The following ELOVL2 variants were observed in gnomAD, a reference collection of about 807,000 sequenced individuals.
ELOVL2 encodes the protein ELOVL fatty acid elongase 2.
ELOVL2 carries 38 observed loss-of-function variants against 37.7 expected under a neutral mutation model. The observed-to-expected ratio is 1.01, with a 90% CI of 0.78 to 1.32. The LOEUF (loss-of-function observed/expected upper bound fraction) is 1.32, where lower values mean the gene tolerates loss of function less well. ELOVL2 is among the 40% of genes most tolerant of loss of function. The probability of loss-of-function intolerance (pLI) is 0.00; values close to 1 mark genes in which losing one functional copy is unlikely to be tolerated. For missense variants in ELOVL2, 352 were observed against 363.6 expected (o/e 0.97, Z 0.26); for synonymous variants, 115 against 122.3 (o/e 0.94, Z 0.40).
chr6:11,044,119 A>G lies in ELOVL2; in HGVS notation c.3+109T>C. On this transcript the variant is annotated intron_variant, in intron 1 of 7. Transcript: ENST00000354666. This position sits in a 1 kb window ranked among gnomAD's most constrained non-coding sequence, Gnocchi z 5.6. ...CGAGGGTAGCGGGTTCCAGCGGCGA[A>G]CCCGCAGCGCCCGCGCCGGCGCCCG... 1 of 1,296,082 alleles carries G rather than the reference A, an allele frequency of 7.7e-7. No individual in the cohort carries two copies. Among genetic ancestry groups the G allele is most frequent in the Admixed American group, 3.8e-5 (1 of 26,494 alleles). 80.3% of individuals were successfully genotyped at this position (1,296,082 alleles called of 1,614,324 possible).
intron 1 of ELOVL2, among the ~76,000 whole-genome samples, chr6:11,012,363 G>C (rs1212087886): frequency 6.6e-6 from 1 of 152,012 alleles, no homozygotes; most frequent in South Asian, 2.1e-4. Context: ...TGTGAGAAAG[G>C]TCAGTTACCT....
chr6:11,005,672 T>C (rs1299727791), intron 2 of ELOVL2, 113 bp from the exon 3 acceptor site: 6 of 863,122 alleles, frequency 7.0e-6, no homozygotes, highest in Non-Finnish European at 8.8e-6. Flanking sequence ...AACAACTCCA[T>C]ACAACATTAG....
At chr6:10,994,981 A>G in intron 5 of ELOVL2, 26 bp downstream of exon 5, 3 of 1,553,632 alleles carry the variant, frequency 1.9e-6, no homozygotes, top group Non-Finnish European at 2.6e-6. Context: ...ATTCCTCAAA[A>G]CGGAAAAATT....
intron 5 of ELOVL2, among the ~76,000 whole-genome samples, chr6:10,992,802 A>AAAC (rs1365600165): frequency 1.8e-4 from 25 of 140,050 alleles, no homozygotes; most frequent in African/African-American, 5.1e-4. Context: ...AAACAAAACA[A>AAAC]AAAAAAACAA....
intron 4 of ELOVL2, among the ~76,000 whole-genome samples, chr6:10,999,259 T>C (rs1782330428): frequency 6.6e-6 from 1 of 152,212 alleles, no homozygotes. Context: ...AATTTAATTT[T>C]GTTTTATAAT....
chr6:10,991,932 A>G (rs1782167297), intron 5 of ELOVL2, among the ~76,000 whole-genome samples: 1 of 152,222 alleles, frequency 6.6e-6, no homozygotes, highest in South Asian at 2.1e-4. Context: ...CTGGTAGGTC[A>G]AAGTATCATT....
rs557732261 is a variant in ELOVL2 at position 11,007,514 on chromosome 6, G to A, written c.68-1955C>T. 1.2e-3 allele frequency among the ~76,000 whole-genome samples: 182 copies of A among 152,300 alleles called. 2 individuals are homozygous for A. Among genetic ancestry groups the A allele is most frequent in the African/African-American group, 4.1e-3 (170 of 41,566 alleles). Reference sequence around the variant, plus strand: ...AGAAACTACGGGGAGTCATGGTACAGAATCTTCCCTAGAACCTCAGAGGGA... The same window carrying A: ...AGAAACTACGGGGAGTCATGGTACAAAATCTTCCCTAGAACCTCAGAGGGA... On this transcript the variant is annotated intron_variant, in intron 2 of 7. Coordinates refer to ENST00000354666, the MANE Select transcript of ELOVL2 (RefSeq NM_017770.4).
rs565706802 is a variant in ELOVL2, at chr6:10,980,982, G to A, written c.*2799C>T. On this transcript the variant is annotated 3_prime_UTR_variant, in exon 8 of 8. Coordinates refer to ENST00000354666, the MANE Select transcript of ELOVL2 (RefSeq NM_017770.4). ...GGAAATATTGGAAAGAACTCAAATG[G>A]ACTCCTAGATACAAAAGGCTGTTCT... 6.6e-6 allele frequency: 1 copy of A among 152,472 alleles called. No homozygotes were observed. The highest frequency in any genetic ancestry group is 1.9e-4 in the East Asian group (1 of 5,186). The allele number at this position is 152,472 out of a possible 1,614,324, so 9.4% of individuals were successfully genotyped here. A position where few individuals can be genotyped will look rare whatever the true frequency, so the allele number is the denominator to read the frequency against.
intron 1 of ELOVL2, among the ~76,000 whole-genome samples, chr6:11,042,649 G>A (rs996300768): frequency 2.0e-5 from 3 of 151,780 alleles, no homozygotes; most frequent in Non-Finnish European, 4.4e-5. Flanking sequence ...AGAGCATGAA[G>A]CGACAGACAA....
intron 1 of ELOVL2, among the ~76,000 whole-genome samples, chr6:11,037,077 A>G (rs1158284517): frequency 6.8e-6 from 1 of 147,218 alleles, no homozygotes; most frequent in African/African-American, 2.5e-5. Context: ...AGAGGCAGAG[A>G]GGGAAAGAGA....
In ELOVL2 at chr6:10,980,782, A is replaced by G. The variant is rs974300835; in HGVS notation, c.*2999T>C. The G allele has an allele frequency of 6.5e-6, 1 of 152,698 alleles. No individual in the cohort carries two copies. The highest frequency in any genetic ancestry group is 2.4e-5 in the African/African-American group (1 of 41,468). 9.5% of individuals were successfully genotyped at this position (152,698 alleles called of 1,614,324 possible). A position where few individuals can be genotyped will look rare whatever the true frequency, so the allele number is the denominator to read the frequency against. ...CATTTAATGTAAAAATCAATTTATTATACAACAATCATAGATAATGCTTTT... is the reference window on the plus strand; with the variant it reads ...CATTTAATGTAAAAATCAATTTATTGTACAACAATCATAGATAATGCTTTT... On this transcript the variant is annotated 3_prime_UTR_variant, in exon 8 of 8. Transcript: ENST00000354666.
At position 11,044,236 on chromosome 6, in the gene ELOVL2, G is replaced by A; in HGVS notation, c.-6C>T. ...CGCGCGGCCCCACTCACCATGATCC[G>A]CAGCGGCTGTGGCGCGGCGACCCGG... On this transcript the variant is annotated 5_prime_UTR_variant, in exon 1 of 8. Transcript: ENST00000354666. This position sits in a 1 kb window ranked among gnomAD's most constrained non-coding sequence, Gnocchi z 5.6. The A allele has an allele frequency of 2.9e-6, 4 of 1,378,140 alleles. No individual in the cohort carries two copies. The highest frequency in any genetic ancestry group is 1.8e-5 in the South Asian group (1 of 56,354). The allele number at this position is 1,378,140 out of a possible 1,614,324, so 85.4% of individuals were successfully genotyped here. A position where few individuals can be genotyped will look rare whatever the true frequency, so the allele number is the denominator to read the frequency against.
chr6:10,993,857 A>G (rs1329182043), intron 5 of ELOVL2, among the ~76,000 whole-genome samples: 1 of 79,042 alleles, frequency 1.3e-5, no homozygotes, highest in Non-Finnish European at 2.5e-5. Context: ...CGCCCAGCTA[A>G]TTTTTTTTTT....
At chr6:11,000,219 A>G in intron 3 of ELOVL2, 55 bp from the exon 4 acceptor site, 1 of 1,515,500 alleles carries the variant, frequency 6.6e-7, no homozygotes, top group Non-Finnish European at 9.1e-7. Flanking sequence ...GAATTTGGAT[A>G]CAGACTGAAT....
intron 6 of ELOVL2, 117 bp downstream of exon 6, chr6:10,990,201 T>G: frequency 7.4e-7 from 1 of 1,347,000 alleles, no homozygotes; most frequent in Non-Finnish European, 1.0e-6. Context: ...AGGCCAATTT[T>G]GGAAAAAAAA....
At position 11,004,814 on chromosome 6, in the gene ELOVL2, C is replaced by T. The variant is rs1240566381; in HGVS notation, c.255+558G>A. Among the ~76,000 whole-genome samples the T allele has an allele frequency of 2.0e-5, 3 of 152,152 alleles. No individual in the cohort carries two copies. The East Asian group carries it at 5.8e-4, about 29-fold the overall frequency. On this transcript the variant is annotated intron_variant, in intron 3 of 7. Coordinates refer to ENST00000354666, the MANE Select transcript of ELOVL2 (RefSeq NM_017770.4). ...AAAATTGTAACATGATCTTGAAAGGCCCATTTGATCTACATTGTGAATCTA... is the reference window on the plus strand; with the variant it reads ...AAAATTGTAACATGATCTTGAAAGGTCCATTTGATCTACATTGTGAATCTA...
intron 3 of ELOVL2, among the ~76,000 whole-genome samples, chr6:11,003,484 C>T (rs919017860): frequency 1.3e-5 from 2 of 152,224 alleles, no homozygotes; most frequent in African/African-American, 4.8e-5. Flanking sequence ...GGACATGAAT[C>T]TCATTCTTTT....
chr6:11,003,515 A>G (rs944253686), intron 3 of ELOVL2, among the ~76,000 whole-genome samples: 4 of 152,168 alleles, frequency 2.6e-5, no homozygotes, highest in Non-Finnish European at 4.4e-5. Context: ...ATAGTATTCC[A>G]TGGTGTATAT....
intron 1 of ELOVL2, among the ~76,000 whole-genome samples, chr6:11,011,252 G>C (rs775963694): frequency 6.6e-6 from 1 of 152,024 alleles, no homozygotes; most frequent in African/African-American, 2.4e-5. Flanking sequence ...TGTAGTCCCA[G>C]CTACTCAGGA....
Sources: allele counts gnomAD v4.1 joint callset (sites outside exome capture counted in the v4.1 genomes callset), GRCh38; gene constraint gnomAD v4.1.1; non-coding constraint Gnocchi (gnomAD v3.1); transcripts MANE v1.5; gene names NCBI Gene and HGNC (gene_info 2026-07-23, HGNC 2026-07-21).